Variants in NETO2 observed in about 807,000 individuals in gnomAD.
NETO2 encodes the protein neuropilin and tolloid-like protein 2.
NETO2 carries 28 observed loss-of-function variants against 62.5 expected under a neutral mutation model. The observed-to-expected ratio is 0.45, with a 90% CI of 0.33 to 0.61. The LOEUF is 0.61. Ranked by LOEUF, NETO2 falls within the 20% of genes least tolerant of loss-of-function variation. The pLI, the probability that NETO2 is intolerant of heterozygous loss-of-function variation, is 0.02. For synonymous variants in NETO2, 214 were observed against 219.1 expected (o/e 0.98, Z 0.21); for missense variants, 548 against 643.2 (o/e 0.85, Z 1.60).
chr16:47,114,012 C>T (rs1427287313), intron 6 of NETO2, among the ~76,000 whole-genome samples: 3 of 152,126 alleles, frequency 2.0e-5, no homozygotes, highest in Non-Finnish European at 4.4e-5. Flanking sequence ...TCATTTCTCC[C>T]GGGTACCCAT....
At chr16:47,130,800 G>T (rs1211067157) in intron 2 of NETO2, among the ~76,000 whole-genome samples, 1 of 152,100 alleles carries the variant, frequency 6.6e-6, no homozygotes, top group Non-Finnish European at 1.5e-5. Flanking sequence ...TTTTGTTCCA[G>T]GACAGAAGAG....
chr16:47,121,405 A>G lies in NETO2; in HGVS notation c.654+1252T>C, dbSNP rs541315776. Among the ~76,000 whole-genome samples, 41 of 152,242 alleles carry G rather than the reference A, an allele frequency of 2.7e-4. 1 individual carries two copies. The South Asian group carries it at 8.1e-3, about 30-fold the overall frequency. ...GCCAGGTGACTCAAAGGTTTAATGC[A>G]CCCAGGACCATTCTGTCAGTCTTTG... On this transcript the variant is annotated intron_variant, in intron 6 of 8. Coordinates refer to ENST00000562435, the MANE Select transcript of NETO2 (RefSeq NM_018092.5).
At chr16:47,114,619 T>G (rs2143925176) in intron 6 of NETO2, among the ~76,000 whole-genome samples, 1 of 151,442 alleles carries the variant, frequency 6.6e-6, no homozygotes, top group East Asian at 2.0e-4. Context: ...CCCAACTAAT[T>G]TTTTGTATTT....
At chr16:47,102,925 C>A (rs1201405827) in intron 7 of NETO2, among the ~76,000 whole-genome samples, 2 of 152,168 alleles carry the variant, frequency 1.3e-5, no homozygotes, top group East Asian at 3.8e-4. Flanking sequence ...TTTGACCCAG[C>A]AATCTCATTA....
chr16:47,116,200 A>G (rs1963919074), intron 6 of NETO2, among the ~76,000 whole-genome samples: 1 of 147,524 alleles, frequency 6.8e-6, no homozygotes, highest in Non-Finnish European at 1.5e-5. Flanking sequence ...GCTGGCCTTG[A>G]ACTCCTGAGC....
Position 47,122,922 on chromosome 16 carries a change from A to C in NETO2, c.482-10T>G, listed in dbSNP as rs1287017636. On this transcript the variant is annotated splice_polypyrimidine_tract_variant and intron_variant, in intron 4 of 8. Transcript: ENST00000562435. ...TAAGTAAAGTCTGGATCTGTAACAG[A>C]AAAAAGAAGAAAGTCATTGGTACTG... 6.2e-7 allele frequency: 1 copy of C among 1,612,368 alleles called. No individual in the cohort carries two copies. Among genetic ancestry groups the C allele is most frequent in the Admixed American group, 1.7e-5 (1 of 59,916 alleles).
chr16:47,110,282 C>T (rs549586699), intron 6 of NETO2, among the ~76,000 whole-genome samples: 1 of 152,274 alleles, frequency 6.6e-6, no homozygotes, highest in East Asian at 1.9e-4. Context: ...CTTAACAATA[C>T]CTGCATTTTC....
intron 1 of NETO2, among the ~76,000 whole-genome samples, chr16:47,138,464 A>G (rs919125060): frequency 2.6e-5 from 4 of 152,242 alleles, no homozygotes; most frequent in African/African-American, 9.6e-5. Flanking sequence ...AGTTTAAACA[A>G]CAAAAACAAC....
In NETO2 at chr16:47,128,450, T is replaced by C. The variant is rs1245423569; in HGVS notation, c.356A>G (p.Asp119Gly). The change falls in exon 4 of 9, where the codon GAT becomes GGT. Residue 119 changes from aspartate (D) to glycine (G), a missense_variant. Asp to Gly is a moderately conservative substitution (Grantham distance 94). Coordinates refer to ENST00000562435, the MANE Select transcript of NETO2 (RefSeq NM_018092.5). ...DGPFGFSPLI[D>G]RYCGVKSPPL... ...AGGGCTTTTCACGCCACAGTAACGATCTATAAGAGGAGAGAAACCAAATGG... is the reference window on the plus strand; with the variant it reads ...AGGGCTTTTCACGCCACAGTAACGACCTATAAGAGGAGAGAAACCAAATGG... 1 of 1,614,086 alleles carries C rather than the reference T, an allele frequency of 6.2e-7. No homozygotes were observed. The highest frequency in any genetic ancestry group is 1.1e-5 in the South Asian group (1 of 91,068).
intron 6 of NETO2, among the ~76,000 whole-genome samples, chr16:47,120,892 T>A (rs1182617557): frequency 2.0e-5 from 3 of 150,750 alleles, no homozygotes; most frequent in African/African-American, 7.3e-5. Context: ...GTTCTTGAAA[T>A]TTTTTTTTTC....
chr16:47,095,900 G>C (rs1295054486), intron 7 of NETO2, among the ~76,000 whole-genome samples: 1 of 152,094 alleles, frequency 6.6e-6, no homozygotes, highest in Non-Finnish European at 1.5e-5. Context: ...AATAGACTAC[G>C]TATGTTCAGC....
At chr16:47,129,943 A>C (rs1483742875) in intron 2 of NETO2, among the ~76,000 whole-genome samples, 1 of 152,182 alleles carries the variant, frequency 6.6e-6, no homozygotes, top group Non-Finnish European at 1.5e-5. Context: ...TGGTGAGTGA[A>C]ATTGGGCTTT....
intron 6 of NETO2, among the ~76,000 whole-genome samples, chr16:47,111,385 C>T (rs920568771): frequency 2.6e-5 from 4 of 152,048 alleles, no homozygotes; most frequent in Non-Finnish European, 5.9e-5. Flanking sequence ...AAAAAAACAT[C>T]GAGTTAAAGA....
At chr16:47,141,597 C>G (rs754003225) in intron 1 of NETO2, among the ~76,000 whole-genome samples, 1 of 152,152 alleles carries the variant, frequency 6.6e-6, no homozygotes, top group Non-Finnish European at 1.5e-5. Flanking sequence ...TTGAATCTTT[C>G]CAGACCAGTT....
chr16:47,143,616 C>T lies in NETO2; in HGVS notation c.-4G>A. 1.6e-6 allele frequency: 2 copies of T among 1,221,444 alleles called. No individual in the cohort carries two copies. Among genetic ancestry groups the T allele is most frequent in the Non-Finnish European group, 1.0e-6 (1 of 977,472 alleles). 75.7% of individuals were successfully genotyped at this position (1,221,444 alleles called of 1,614,324 possible). A position where few individuals can be genotyped will look rare whatever the true frequency, so the allele number is the denominator to read the frequency against. On this transcript the variant is annotated 5_prime_UTR_variant, in exon 1 of 9. Transcript: ENST00000562435. ...AGCAGAGCCGCTCCAGGGCCATGTTCCCGAGCTGCCCGGCGCTTCGCGAAG... is the reference window on the plus strand; with the variant it reads ...AGCAGAGCCGCTCCAGGGCCATGTTTCCGAGCTGCCCGGCGCTTCGCGAAG...
At chr16:47,091,230 A>G (rs185015039) in intron 7 of NETO2, among the ~76,000 whole-genome samples, 9 of 152,322 alleles carry the variant, frequency 5.9e-5, no homozygotes, top group African/African-American at 1.9e-4. Flanking sequence ...AATTTGGGAT[A>G]TGAAGTTAAA....
intron 2 of NETO2, 36 bp from the exon 3 acceptor site, chr16:47,129,400 G>T: frequency 6.2e-7 from 1 of 1,602,246 alleles, no homozygotes; most frequent in Non-Finnish European, 8.5e-7. Flanking sequence ...ACTCATTACA[G>T]CAAAAGAGAA....
chr16:47,119,253 G>A (rs1236334706), intron 6 of NETO2, among the ~76,000 whole-genome samples: 10 of 151,078 alleles, frequency 6.6e-5, no homozygotes, highest in South Asian at 2.1e-4. Flanking sequence ...CTGGGTTCAC[G>A]CCATTCTCCT....
At chr16:47,085,833 C>T (rs893912210) in intron 8 of NETO2, among the ~76,000 whole-genome samples, 4 of 151,684 alleles carry the variant, frequency 2.6e-5, no homozygotes, top group South Asian at 2.1e-4. Flanking sequence ...AGGCTGGGCG[C>T]GGTGGCTCAT....
Sources: gnomAD v4.1 joint callset for allele counts (sites outside exome capture counted in the v4.1 genomes callset) on GRCh38, gnomAD v4.1.1 for gene constraint, MANE v1.5 for transcripts, NCBI Gene and HGNC (gene_info 2026-07-23, HGNC 2026-07-21) for gene names.